MDGA1: variants seen among roughly 807,000 people sequenced by gnomAD.
MDGA1 encodes MAM domain containing glycosylphosphatidylinositol anchor 1.
MDGA1 carries 54 observed loss-of-function variants against 101.5 expected under a neutral mutation model. That is an observed-to-expected ratio of 0.53 (90% CI 0.43 to 0.67). The LOEUF (loss-of-function observed/expected upper bound fraction) is 0.67. MDGA1 is among the 30% of genes least tolerant of loss of function. The pLI is 0.00. For missense variants in MDGA1, 1,083 were observed against 1,323.8 expected, an observed-to-expected ratio of 0.82 and a Z score of 2.82; for synonymous variants, 533 against 558.3, an observed-to-expected ratio of 0.95 and a Z score of 0.64.
intron 1 of MDGA1, among the ~76,000 whole-genome samples, chr6:37,676,455 C>T (rs77781452): frequency 0.017 from 2,617 of 152,334 alleles, 71 homozygotes; most frequent in African/African-American, 0.058. Context: ...GGGGTTCTGG[C>T]ACAGGCCTGA....
chr6:37,680,928 C>A (rs1207217735), intron 1 of MDGA1, among the ~76,000 whole-genome samples: 1 of 152,106 alleles, frequency 6.6e-6, no homozygotes. Flanking sequence ...TCCAGCTGAG[C>A]AGGGCCTGCT....
At position 37,655,941 on chromosome 6, in the gene MDGA1, A is replaced by G; in HGVS notation, c.383-45T>C. ...ATGGAGTCAGGACTGGGTGACCCCA[A>G]GGTTGGGGGGCTCAGGCTCCTGGCA... is the stretch of plus-strand genomic sequence containing the variant. On this transcript the variant is annotated intron_variant, in intron 3 of 16. Transcript: ENST00000434837. The surrounding 1 kb of genome is among the most constrained non-coding windows in gnomAD (Gnocchi z 5.1). The G allele has an allele frequency of 6.5e-7, 1 of 1,528,548 alleles. No homozygotes were observed. Among genetic ancestry groups the G allele is most frequent in the African/African-American group, 1.4e-5 (1 of 73,142 alleles). 94.7% of individuals were successfully genotyped at this position (1,528,548 alleles called of 1,614,324 possible).
intron 1 of MDGA1, among the ~76,000 whole-genome samples, chr6:37,669,864 A>G (rs1381324178): frequency 6.6e-6 from 1 of 152,242 alleles, no homozygotes; most frequent in Non-Finnish European, 1.5e-5. Flanking sequence ...GCTCTCAAAG[A>G]GCATTGCTGG....
intron 1 of MDGA1, among the ~76,000 whole-genome samples, chr6:37,690,797 C>A (rs1404885234): frequency 6.8e-6 from 1 of 147,242 alleles, no homozygotes; most frequent in Non-Finnish European, 1.5e-5. Flanking sequence ...AAATCCTTTA[C>A]TGTTCCAGCC....
rs1763894239 is a variant in MDGA1 at position 37,635,014 on chromosome 6, C to CCA, written c.*2353_*2354insTG. 1.3e-5 allele frequency: 2 copies of CCA among 154,216 alleles called. No homozygotes were observed. The highest frequency in any genetic ancestry group is 4.1e-4 in the South Asian group (2 of 4,854). The allele number at this position is 154,216 out of a possible 1,614,324, so 9.6% of individuals were successfully genotyped here. On this transcript the variant is annotated 3_prime_UTR_variant, in exon 17 of 17. Transcript: ENST00000434837. The stretch of plus-strand genomic sequence containing the variant: ...AGAGGGAGCACTTGGGGCTATTCAT[C>CCA]TCTGGTGCTCCAATGCCTACCCCAG...
rs116839345 is a variant in MDGA1 at position 37,665,642 on chromosome 6, G to C, written c.68-1536C>G. 9.7e-3 allele frequency among the ~76,000 whole-genome samples: 1,470 copies of C among 152,272 alleles called. 25 individuals carry two copies. The highest frequency in any genetic ancestry group is 0.031 in the African/African-American group (1,307 of 41,550). The stretch of plus-strand genomic sequence containing the variant: ...TTCCACCAGCCATAACTACACCTTT[G>C]ATCAGACAAGAGACTGATTTCAGTA... On this transcript the variant is annotated intron_variant, in intron 1 of 16. Transcript: ENST00000434837.
At chr6:37,666,229 G>A (rs944588891) in intron 1 of MDGA1, among the ~76,000 whole-genome samples, 6 of 151,230 alleles carry the variant, frequency 4.0e-5, no homozygotes, top group African/African-American at 9.7e-5. Context: ...GCATGGTGGT[G>A]CGTACCTGTA....
At chr6:37,660,179 A>ATTT (rs35391424) in intron 2 of MDGA1, among the ~76,000 whole-genome samples, 2 of 145,224 alleles carry the variant, frequency 1.4e-5, no homozygotes, top group African/African-American at 5.1e-5. Context: ...CACCTGGCTA[A>ATTT]TTTTTTTTTT....
intron 16 of MDGA1, among the ~76,000 whole-genome samples, 170 bp from the exon 17 acceptor site, chr6:37,637,629 C>T (rs10456455): frequency 0.15 from 22,922 of 152,012 alleles, 2,381 homozygotes; most frequent in Non-Finnish European, 0.23. Context: ...CATGAGGTGG[C>T]GTGGGGTGGG....
In MDGA1 at chr6:37,689,957, TCTGCTCAAAACC is replaced by T. The variant is rs1375337565; in HGVS notation, c.67+6776_67+6787del. ...AAAAGGTGTCAGTTCATGTCCCTTC[TCTGCTCAAAACC>T]CTGCCATGGTCCCCTATCTCATGCA... On this transcript the variant is annotated intron_variant, in intron 1 of 16. Coordinates refer to ENST00000434837, the MANE Select transcript of MDGA1 (RefSeq NM_153487.4). Among the ~76,000 whole-genome samples the T allele has an allele frequency of 4.6e-5, 7 of 152,332 alleles. No homozygotes were observed. In the East Asian group the frequency reaches 1.2e-3, roughly 25 times the overall value.
At chr6:37,658,192 T>C in intron 3 of MDGA1, 53 bp downstream of exon 3, 1 of 1,484,050 alleles carries the variant, frequency 6.7e-7, no homozygotes, top group Non-Finnish European at 9.0e-7. Context: ...TGGGGCGCCC[T>C]CTGGCCCGGG....
At position 37,632,407 on chromosome 6, in the gene MDGA1, G is replaced by A; in HGVS notation, c.*4961C>T. 1 of 152,754 alleles carries A rather than the reference G, an allele frequency of 6.5e-6. No individual in the cohort carries two copies. Among genetic ancestry groups the A allele is most frequent in the Non-Finnish European group, 1.5e-5 (1 of 68,164 alleles). The allele number at this position is 152,754 out of a possible 1,614,324, so 9.5% of individuals were successfully genotyped here. Reference sequence around the variant, plus strand: ...CACAGAGCAGGATCCCTGTCGACAGGTGCCAAAGAGAAGAAAGGCTGCCCC... The same window carrying A: ...CACAGAGCAGGATCCCTGTCGACAGATGCCAAAGAGAAGAAAGGCTGCCCC... On this transcript the variant is annotated 3_prime_UTR_variant, in exon 17 of 17. Coordinates refer to ENST00000434837, the MANE Select transcript of MDGA1 (RefSeq NM_153487.4).
At chr6:37,644,084 C>T (rs1764161552) in intron 13 of MDGA1, 141 bp from the exon 14 acceptor site, 1 of 702,008 alleles carries the variant, frequency 1.4e-6, no homozygotes, top group Non-Finnish European at 2.0e-6. Flanking sequence ...ACGCATCCTG[C>T]CTCACCCCAC....
Position 37,650,332 on chromosome 6 carries a change from T to C in MDGA1, c.1386A>G (p.Gln462=), listed in dbSNP as rs1216647808. Residue 462 remains glutamine, a synonymous_variant, in exon 8 of 17, where the codon CAA becomes CAG. Coordinates refer to ENST00000434837, the MANE Select transcript of MDGA1 (RefSeq NM_153487.4). ...TVREGSPAEL[Q]CEVRGKPRPP... ...GCCGCGGCTTGCCCCGCACCTCGCA[T>C]TGCAGCTCGGCAGGCGATCCCTCGC... 3 of 1,584,952 alleles carry C rather than the reference T, an allele frequency of 1.9e-6. No homozygotes were observed. Among genetic ancestry groups the C allele is most frequent in the Non-Finnish European group, 2.6e-6 (3 of 1,167,820 alleles).
intron 1 of MDGA1, among the ~76,000 whole-genome samples, chr6:37,682,377 G>A (rs535773231): frequency 2.8e-4 from 42 of 152,256 alleles, no homozygotes; most frequent in Non-Finnish European, 5.4e-4. Flanking sequence ...CCAGCTACTC[G>A]GGAGGTTGAG....
At position 37,654,510 on chromosome 6, in the gene MDGA1, GT is replaced by G; in HGVS notation, c.745del (p.Thr249LeufsTer4). On this transcript the variant is annotated frameshift_variant, in exon 6 of 17. Coordinates refer to ENST00000434837, the MANE Select transcript of MDGA1 (RefSeq NM_153487.4). LOFTEE classifies it high-confidence loss of function. Reference protein sequence around the residue: ...PPALKLSVNETLVVNPGENVT... With the variant: ...PPALKLSVNEXLVVNPGENVT... ...ATTCTCCCCAGGGTTCACCACCAGA[GT>G]TTCGTTCACAGACAGCTTCAGGGCT... 1 of 1,614,042 alleles carries G rather than the reference GT, an allele frequency of 6.2e-7. No individual in the cohort carries two copies. Among genetic ancestry groups the G allele is most frequent in the Non-Finnish European group, 8.5e-7 (1 of 1,179,900 alleles).
In MDGA1 at chr6:37,638,343, G is replaced by C. The variant is rs772287509; in HGVS notation, c.2668-30C>G. 3.2e-6 allele frequency: 5 copies of C among 1,568,904 alleles called. No homozygotes were observed. The South Asian group carries it at 5.8e-5, about 18-fold the overall frequency. On this transcript the variant is annotated intron_variant, in intron 15 of 16. Transcript: ENST00000434837. This position sits in a 1 kb window ranked among gnomAD's most constrained non-coding sequence, Gnocchi z 4.8. ...GGTGGGGTCAGAAAGCAAGGAGCAA[G>C]GGTTGAGGAGGTTCTGCTGGGTACC... is the stretch of plus-strand genomic sequence containing the variant.
chr6:37,687,440 A>G (rs1026956396), intron 1 of MDGA1, among the ~76,000 whole-genome samples: 1 of 150,176 alleles, frequency 6.7e-6, no homozygotes, highest in Non-Finnish European at 1.5e-5. Flanking sequence ...ATGGTGGTGT[A>G]TGCCTGTAGT....
Position 37,650,108 on chromosome 6 carries a change from C to T in MDGA1, c.1609+1G>A, listed in dbSNP as rs1290431276. 1 of 1,609,278 alleles carries T rather than the reference C, an allele frequency of 6.2e-7. No homozygotes were observed. The highest frequency in any genetic ancestry group is 8.5e-7 in the Non-Finnish European group (1 of 1,176,460). On this transcript the variant is annotated splice_donor_variant, in intron 8 of 16. Coordinates refer to ENST00000434837, the MANE Select transcript of MDGA1 (RefSeq NM_153487.4). LOFTEE classifies it high-confidence loss of function. ...TAGTCCGGGTGGCGTGGTGGACTCA[C>T]ACTGCACGTTCAGCTGCACCTGGGC... is the stretch of plus-strand genomic sequence containing the variant.
Sources: allele counts gnomAD v4.1 joint callset (sites outside exome capture counted in the v4.1 genomes callset), GRCh38; gene constraint gnomAD v4.1.1; non-coding constraint Gnocchi (gnomAD v3.1); transcripts MANE v1.5; gene names NCBI Gene and HGNC (gene_info 2026-07-23, HGNC 2026-07-21).